MON2: variants seen among roughly 807,000 people sequenced by gnomAD.
MON2 encodes the protein MON2 regulator of endosome-to-Golgi trafficking, also known as protein MON2 homolog.
In MON2, 84 loss-of-function variants were observed where a neutral mutation model predicts 208.6. The ratio of observed to expected loss-of-function variants is 0.40; its 90% CI spans 0.34 to 0.48. The LOEUF (loss-of-function observed/expected upper bound fraction) is 0.48, where lower values mean the gene tolerates loss of function less well. MON2 is among the 20% of genes least tolerant of loss of function. The pLI, the probability that MON2 is intolerant of heterozygous loss-of-function variation, is 0.59. For synonymous variants in MON2, 660 were observed against 694.0 expected, an observed-to-expected ratio of 0.95 and a Z score of 0.77; for missense variants, 1,611 against 2,015.4, an observed-to-expected ratio of 0.80 and a Z score of 3.84.
intron 25 of MON2, among the ~76,000 whole-genome samples, chr12:62,557,070 A>G (rs1325353547): frequency 6.6e-6 from 1 of 152,076 alleles, no homozygotes; most frequent in Non-Finnish European, 1.5e-5. Context: ...TCTGCGTGAC[A>G]GAGTGAGACC....
chr12:62,555,670 G>T (rs1018539210), intron 24 of MON2, among the ~76,000 whole-genome samples: 5 of 152,008 alleles, frequency 3.3e-5, no homozygotes, highest in African/African-American at 9.7e-5. Flanking sequence ...ATTAGCTGGT[G>T]TGGTGGTGGA....
At chr12:62,505,108 G>A (rs557779778) in intron 7 of MON2, among the ~76,000 whole-genome samples, 7 of 152,178 alleles carry the variant, frequency 4.6e-5, no homozygotes, top group Admixed American at 2.0e-4. Context: ...TCAATGAAGT[G>A]TTGTAGTGGA....
intron 30 of MON2, among the ~76,000 whole-genome samples, chr12:62,571,942 A>G (rs1436087425): frequency 6.6e-6 from 1 of 152,256 alleles, no homozygotes; most frequent in East Asian, 1.9e-4. Flanking sequence ...ACCAGAATAA[A>G]TAGGATGAGT....
At chr12:62,472,673 T>C (rs1334313311) in intron 1 of MON2, among the ~76,000 whole-genome samples, 1 of 152,172 alleles carries the variant, frequency 6.6e-6, no homozygotes, top group Non-Finnish European at 1.5e-5. Flanking sequence ...TAATCAGATA[T>C]TTAGGGACTG....
At chr12:62,503,837 G>A (rs766410982) in intron 7 of MON2, among the ~76,000 whole-genome samples, 10 of 151,934 alleles carry the variant, frequency 6.6e-5, no homozygotes, top group African/African-American at 1.2e-4. Context: ...TTGCTCAATC[G>A]TCAACTTACC....
At chr12:62,505,244 T>C (rs2071039346) in intron 7 of MON2, among the ~76,000 whole-genome samples, 1 of 152,206 alleles carries the variant, frequency 6.6e-6, no homozygotes, top group Admixed American at 6.5e-5. Flanking sequence ...ATATATATAC[T>C]AATTTCAAGG....
intron 31 of MON2, 67 bp downstream of exon 31, chr12:62,578,572 C>A: frequency 1.0e-6 from 1 of 983,204 alleles, no homozygotes; most frequent in Non-Finnish European, 1.5e-6. Flanking sequence ...AATGTTTGAA[C>A]TATACAGTTG....
chr12:62,553,248 T>C, intron 24 of MON2, 74 bp downstream of exon 24: 1 of 1,316,142 alleles, frequency 7.6e-7, no homozygotes, highest in Non-Finnish European at 1.0e-6. Flanking sequence ...CAGTTAAACT[T>C]ATTTCTTTTA....
At chr12:62,565,986 G>A (rs1378802090) in intron 27 of MON2, 28 bp from the exon 28 acceptor site, 3 of 1,593,610 alleles carry the variant, frequency 1.9e-6, no homozygotes, top group South Asian at 2.3e-5. Flanking sequence ...CATTCTATTT[G>A]TCTTGCAACA....
chr12:62,585,593 T>A, intron 33 of MON2, 92 bp downstream of exon 33: 1 of 983,956 alleles, frequency 1.0e-6, no homozygotes, highest in Non-Finnish European at 1.5e-6. Context: ...TTTTTGTAAG[T>A]GATCTGAACT....
At chr12:62,522,948 G>T (rs561800341) in intron 8 of MON2, among the ~76,000 whole-genome samples, 108 of 152,160 alleles carry the variant, frequency 7.1e-4, no homozygotes, top group Non-Finnish European at 1.3e-3. Flanking sequence ...GAGAAAAAAT[G>T]ATATGCTTTC....
Position 62,556,737 on chromosome 12 carries a change from G to A in MON2, c.3409+545G>A, listed in dbSNP as rs1220742391. 4.6e-5 allele frequency among the ~76,000 whole-genome samples: 7 copies of A among 152,104 alleles called. No individual in the cohort carries two copies. The South Asian group carries it at 1.0e-3, about 23-fold the overall frequency. On this transcript the variant is annotated intron_variant, in intron 25 of 34. Transcript: ENST00000393630. The stretch of plus-strand genomic sequence containing the variant: ...AGTTTGATTATCAAAGAGATTGAGA[G>A]GTAGTGAAAGGCCAGATCATCCAGA...
rs770966584 is a variant in MON2 at position 62,566,006 on chromosome 12, C to T, written c.4177-8C>T. 6.2e-7 allele frequency: 1 copy of T among 1,607,562 alleles called. No homozygotes were observed. The highest frequency in any genetic ancestry group is 1.7e-5 in the Admixed American group (1 of 58,850). Reference sequence around the variant, plus strand: ...TATTTGTCTTGCAACACAATGGAATCACAATAGATCCAACTATTTGCACCG... The same window carrying T: ...TATTTGTCTTGCAACACAATGGAATTACAATAGATCCAACTATTTGCACCG... On this transcript the variant is annotated splice_region_variant and splice_polypyrimidine_tract_variant and intron_variant, in intron 27 of 34. Coordinates refer to ENST00000393630, the MANE Select transcript of MON2 (RefSeq NM_015026.3).
In MON2 at chr12:62,520,393, A is replaced by G. The variant is rs77185642; in HGVS notation, c.985-4122A>G. Reference sequence around the variant, plus strand: ...GAAAGCTCAAATTTTATTATTGGCAACAAACACTGTCAGTTGTTTACCCTA... The same window carrying G: ...GAAAGCTCAAATTTTATTATTGGCAGCAAACACTGTCAGTTGTTTACCCTA... On this transcript the variant is annotated intron_variant, in intron 8 of 34. Transcript: ENST00000393630. Among the ~76,000 whole-genome samples, 62 of 151,636 alleles carry G rather than the reference A, an allele frequency of 4.1e-4. 2 individuals are homozygous for G. The highest frequency in any genetic ancestry group is 1.5e-3 in the African/African-American group (61 of 41,266).
intron 2 of MON2, among the ~76,000 whole-genome samples, chr12:62,486,990 ATAT>A (rs895349365): frequency 3.3e-5 from 5 of 152,112 alleles, no homozygotes; most frequent in Non-Finnish European, 5.9e-5. Flanking sequence ...TTCCAAGGGA[ATAT>A]TATTTATATT....
chr12:62,532,710 G>T, intron 12 of MON2, 40 bp downstream of exon 12: 1 of 1,524,720 alleles, frequency 6.6e-7, no homozygotes, highest in South Asian at 1.2e-5. Context: ...GAAATAATTT[G>T]AAATTTACAA....
chr12:62,539,128 T>G (rs2073117070), intron 19 of MON2, among the ~76,000 whole-genome samples: 1 of 152,160 alleles, frequency 6.6e-6, no homozygotes, highest in Non-Finnish European at 1.5e-5. Context: ...CAAAATACTT[T>G]CCACATTTTA....
chr12:62,563,755 A>G (rs948026672), intron 26 of MON2, among the ~76,000 whole-genome samples: 1 of 152,138 alleles, frequency 6.6e-6, no homozygotes, highest in Non-Finnish European at 1.5e-5. Flanking sequence ...ATCAAAATGC[A>G]TAGTTAAGTC....
intron 8 of MON2, among the ~76,000 whole-genome samples, chr12:62,519,669 G>C (rs1011429816): frequency 3.3e-5 from 5 of 152,138 alleles, no homozygotes; most frequent in Non-Finnish European, 7.4e-5. Context: ...TCTTCATTCT[G>C]TTGTGATTTT....
Sources: allele counts gnomAD v4.1 joint callset (sites outside exome capture counted in the v4.1 genomes callset), GRCh38; gene constraint gnomAD v4.1.1; transcripts MANE v1.5; gene names NCBI Gene and HGNC (gene_info 2026-07-23, HGNC 2026-07-21).